The following PLCH1 variants were observed in gnomAD, a reference collection of about 807,000 sequenced individuals.
PLCH1 encodes the protein phospholipase C eta 1.
In PLCH1, 60 loss-of-function variants were observed where a neutral mutation model predicts 126.7. That is an observed-to-expected ratio of 0.47 (90% CI 0.38 to 0.59). The LOEUF is 0.59. Among genes scored for constraint, PLCH1 ranks in the 20% least tolerant of loss-of-function variants. The pLI, the probability that PLCH1 is intolerant of heterozygous loss-of-function variation, is 0.00. For missense variants in PLCH1, 1,723 were observed against 2,040.0 expected (o/e 0.84, Z 2.99); for synonymous variants, 719 against 734.9 (o/e 0.98, Z 0.35).
chr3:155,458,591 A>G (rs1387732582), intron 21 of PLCH1, among the ~76,000 whole-genome samples: 2 of 151,900 alleles, frequency 1.3e-5, no homozygotes, highest in Admixed American at 6.6e-5. Context: ...AGGAAGAAAG[A>G]AAGAAACCAT....
chr3:155,609,775 G>A (rs1365518705), intron 2 of PLCH1, among the ~76,000 whole-genome samples: 1 of 151,772 alleles, frequency 6.6e-6, no homozygotes, highest in Non-Finnish European at 1.5e-5. Flanking sequence ...CAATAGACTA[G>A]AACAAGTAGA....
intron 2 of PLCH1, among the ~76,000 whole-genome samples, chr3:155,657,481 C>T (rs1559904632): frequency 1.3e-5 from 2 of 152,114 alleles, no homozygotes; most frequent in African/African-American, 2.4e-5. Flanking sequence ...CTCTAGCATT[C>T]GGCTGAGTAC....
chr3:155,486,167 G>T (rs1467653997), intron 21 of PLCH1: 1 of 1,546,446 alleles, frequency 6.5e-7, no homozygotes, highest in Admixed American at 2.0e-5. Context: ...CCTAGAAAGT[G>T]CAATATAGTA....
intron 11 of PLCH1, among the ~76,000 whole-genome samples, chr3:155,522,303 T>A (rs2108285274): frequency 1.3e-5 from 2 of 152,344 alleles, no homozygotes; most frequent in Admixed American, 1.3e-4. Context: ...AAAAAGCAAC[T>A]ATTTAAAATA....
chr3:155,560,088 G>A (rs1727370403), intron 8 of PLCH1, among the ~76,000 whole-genome samples: 1 of 152,142 alleles, frequency 6.6e-6, no homozygotes, highest in Admixed American at 6.5e-5. Flanking sequence ...CTAGGTATCT[G>A]AAAGAACTGA....
At position 155,482,389 on chromosome 3, in the gene PLCH1, T is replaced by A; in HGVS notation, c.3637A>T (p.Ser1213Cys). 6.2e-7 allele frequency: 1 copy of A among 1,614,124 alleles called. No homozygotes were observed. Among genetic ancestry groups the A allele is most frequent in the Non-Finnish European group, 8.5e-7 (1 of 1,180,020 alleles). Residue 1213 changes from serine to cysteine, a missense_variant, in exon 23 of 23, where the codon AGT becomes TGT. Physicochemically the swap from Ser to Cys is moderately radical, Grantham distance 112 (BLOSUM62 -1). Around this residue, in one of 2 missense-constraint regions of PLCH1, gnomAD observed 947 missense variants for 977.1 expected, o/e 0.97. Coordinates refer to ENST00000460012, the MANE Select transcript of PLCH1 (RefSeq NM_014996.4). ...AAGGGACAATGGCCTGACATCACAC[T>A]GGTATTATGAAGATGAGAAACAACT... ...LTVVSHLHNTSVMSGHCPLPS... is the reference protein window; with the variant it reads ...LTVVSHLHNTCVMSGHCPLPS...
chr3:155,647,784 C>A (rs562548413), intron 2 of PLCH1, among the ~76,000 whole-genome samples: 1 of 152,016 alleles, frequency 6.6e-6, no homozygotes, highest in East Asian at 1.9e-4. Context: ...AAGTAAATAT[C>A]ATTCCTTTTA....
At chr3:155,540,777 CTT>C (rs903800055) in intron 10 of PLCH1, among the ~76,000 whole-genome samples, 14 of 152,142 alleles carry the variant, frequency 9.2e-5, no homozygotes, top group African/African-American at 3.4e-4. Context: ...AAACAGAACA[CTT>C]TTACACTGCT....
chr3:155,474,800 C>A (rs1460374990), intron 21 of PLCH1, among the ~76,000 whole-genome samples: 10 of 111,466 alleles, frequency 9.0e-5, no homozygotes, highest in African/African-American at 3.6e-4. Flanking sequence ...AATTGGAAAC[C>A]ATCATTCTCA....
intron 8 of PLCH1, among the ~76,000 whole-genome samples, chr3:155,564,658 A>T (rs1728080250): frequency 6.6e-6 from 1 of 152,226 alleles, no homozygotes; most frequent in African/African-American, 2.4e-5. Context: ...CTTTCTAGGA[A>T]GACTTTAATT....
intron 8 of PLCH1, among the ~76,000 whole-genome samples, chr3:155,555,777 G>A (rs908449090): frequency 1.1e-4 from 17 of 152,116 alleles, no homozygotes; most frequent in African/African-American, 3.6e-4. Context: ...TCCTAATCAA[G>A]GCAAAACTAG....
intron 21 of PLCH1, chr3:155,486,210 T>C (rs1042176646): frequency 4.6e-6 from 7 of 1,538,302 alleles, no homozygotes; most frequent in Non-Finnish European, 6.2e-6. Flanking sequence ...GGCTCCACTG[T>C]AAAGGAAAAA....
intron 2 of PLCH1, among the ~76,000 whole-genome samples, chr3:155,619,328 AGTACAGG>A (rs1736173033): frequency 1.3e-5 from 2 of 151,756 alleles, no homozygotes; most frequent in East Asian, 3.9e-4. Context: ...GGCAGTGTAC[AGTACAGG>A]AGTCCATCTA....
At chr3:155,568,402 A>G in intron 6 of PLCH1, 78 bp from the exon 7 acceptor site, 2 of 654,130 alleles carry the variant, frequency 3.1e-6, no homozygotes, top group East Asian at 5.6e-5. Flanking sequence ...ACATTTACTG[A>G]TTTTGCATTC....
At chr3:155,490,023 G>A (rs1205194437) in intron 19 of PLCH1, among the ~76,000 whole-genome samples, 1 of 152,144 alleles carries the variant, frequency 6.6e-6, no homozygotes, top group Middle Eastern at 3.2e-3. Context: ...ATTTGAGAAG[G>A]TTTCTTTCTG....
At chr3:155,478,710 T>C (rs994846901), downstream of PLCH1, among the ~76,000 whole-genome samples, 14 of 152,202 alleles carry the variant, frequency 9.2e-5, no homozygotes, top group African/African-American at 2.2e-4. Flanking sequence ...ATTAAATTAA[T>C]AATTACTCTG....
chr3:155,668,075 AC>A (rs1312368836), intron 2 of PLCH1, among the ~76,000 whole-genome samples: 1 of 132,686 alleles, frequency 7.5e-6, no homozygotes, highest in Non-Finnish European at 1.6e-5. Context: ...ACAGAGCAAG[AC>A]TCCATCTCAA....
intron 4 of PLCH1, among the ~76,000 whole-genome samples, chr3:155,590,413 C>T (rs566608629): frequency 4.4e-4 from 67 of 152,006 alleles, no homozygotes; most frequent in Non-Finnish European, 8.2e-4. Context: ...CCCGTCTCTA[C>T]TAAAAATACA....
intron 21 of PLCH1, among the ~76,000 whole-genome samples, chr3:155,452,149 G>A (rs987892929): frequency 1.3e-5 from 2 of 152,158 alleles, no homozygotes; most frequent in African/African-American, 4.8e-5. Flanking sequence ...AGTTCCACAT[G>A]ACTGGGGAGG....
Sources: allele counts gnomAD v4.1 joint callset (sites outside exome capture counted in the v4.1 genomes callset), GRCh38; gene constraint gnomAD v4.1.1; regional missense constraint gnomAD v4.1.1; transcripts MANE v1.5; gene names NCBI Gene and HGNC (gene_info 2026-07-23, HGNC 2026-07-21).